The following TRPM3 variants were observed in gnomAD, a reference collection of about 807,000 sequenced individuals.
TRPM3 encodes the protein transient receptor potential cation channel subfamily M member 3, also known as long transient receptor potential channel 3.
TRPM3 carries 77 observed loss-of-function variants against 181.2 expected under a neutral mutation model. The ratio of observed to expected loss-of-function variants is 0.42; its 90% CI spans 0.35 to 0.51. The LOEUF (loss-of-function observed/expected upper bound fraction) is 0.51. Ranked by LOEUF, TRPM3 falls within the 20% of genes least tolerant of loss-of-function variation. The pLI is 0.01. For synonymous variants in TRPM3, 745 were observed against 796.4 expected, an observed-to-expected ratio of 0.94 and a Z score of 1.09; for missense variants, 1,759 against 2,196.7, an observed-to-expected ratio of 0.80 and a Z score of 3.98.
chr9:70,973,912 G>A (rs751554017), intron 1 of TRPM3, among the ~76,000 whole-genome samples: 10 of 152,190 alleles, frequency 6.6e-5, no homozygotes, highest in Non-Finnish European at 1.3e-4. Flanking sequence ...GTATTCTAAA[G>A]CAATGGATGT....
intron 1 of TRPM3, among the ~76,000 whole-genome samples, chr9:71,343,528 G>A (rs528333613): frequency 6.6e-6 from 1 of 152,238 alleles, no homozygotes; most frequent in East Asian, 1.9e-4. Flanking sequence ...ATGGAAGAAA[G>A]GAGATACAAA....
At chr9:71,405,937 T>A (rs986929414) in intron 1 of TRPM3, among the ~76,000 whole-genome samples, 8 of 152,212 alleles carry the variant, frequency 5.3e-5, no homozygotes, top group Non-Finnish European at 1.0e-4. Context: ...ACAAGAAAGA[T>A]AAAGCTTTCC....
intron 9 of TRPM3, among the ~76,000 whole-genome samples, chr9:70,674,111 G>C (rs2063519028): frequency 6.6e-6 from 1 of 152,078 alleles, no homozygotes; most frequent in Non-Finnish European, 1.5e-5. Context: ...ATATTAAACT[G>C]TCTGCCCACA....
At chr9:71,273,047 G>C (rs2083926999) in intron 1 of TRPM3, among the ~76,000 whole-genome samples, 1 of 151,956 alleles carries the variant, frequency 6.6e-6, no homozygotes, top group South Asian at 2.1e-4. Context: ...GCTGATTTTT[G>C]TATTTTTAGT....
chr9:71,206,030 A>C (rs1565340748), intron 1 of TRPM3, among the ~76,000 whole-genome samples: 1 of 152,074 alleles, frequency 6.6e-6, no homozygotes, highest in African/African-American at 2.4e-5. Flanking sequence ...GGTTAAAGAC[A>C]AAGCTTATCA....
At chr9:71,109,619 G>A (rs2070583267) in intron 1 of TRPM3, among the ~76,000 whole-genome samples, 1 of 151,990 alleles carries the variant, frequency 6.6e-6, no homozygotes, top group South Asian at 2.1e-4. Flanking sequence ...TTTGAGAATT[G>A]GCCGTTTCAT....
chr9:71,162,693 A>G (rs2076339078), intron 1 of TRPM3, among the ~76,000 whole-genome samples: 1 of 152,192 alleles, frequency 6.6e-6, no homozygotes, highest in Non-Finnish European at 1.5e-5. Context: ...ATTCATTTAT[A>G]TATTAATCAT....
At chr9:70,962,661 CTATGA>C (rs2097148225) in intron 1 of TRPM3, among the ~76,000 whole-genome samples, 1 of 151,940 alleles carries the variant, frequency 6.6e-6, no homozygotes, top group South Asian at 2.1e-4. Context: ...TCATACATAC[CTATGA>C]TAAAGTTTAA....
intron 11 of TRPM3, among the ~76,000 whole-genome samples, chr9:70,636,639 T>A (rs1460225331): frequency 6.6e-6 from 1 of 151,976 alleles, no homozygotes. Context: ...GGGCATCCTG[T>A]ATTTTATTTG....
chr9:70,619,937 G>T, intron 16 of TRPM3, 139 bp downstream of exon 16: 1 of 773,712 alleles, frequency 1.3e-6, no homozygotes, highest in Non-Finnish European at 2.0e-6. Context: ...AAGGGGAATT[G>T]TTTGTGTCCA....
chr9:71,413,690 G>T (rs2093595832), intron 1 of TRPM3, among the ~76,000 whole-genome samples: 1 of 151,914 alleles, frequency 6.6e-6, no homozygotes, highest in Non-Finnish European at 1.5e-5. Context: ...ATTTAAAAGG[G>T]CTTGTGGAAG....
At chr9:70,821,451 A>C (rs1040734721) in intron 6 of TRPM3, among the ~76,000 whole-genome samples, 1 of 152,198 alleles carries the variant, frequency 6.6e-6, no homozygotes, top group Non-Finnish European at 1.5e-5. Flanking sequence ...GGATACATAG[A>C]TGCTACTTTC....
intron 1 of TRPM3, among the ~76,000 whole-genome samples, chr9:71,102,154 G>A (rs2068517753): frequency 1.3e-5 from 2 of 152,130 alleles, no homozygotes; most frequent in African/African-American, 4.8e-5. Flanking sequence ...AAAATAAAAT[G>A]TGTTCTTTCA....
At chr9:70,599,708 G>A (rs1444571980) in intron 20 of TRPM3, among the ~76,000 whole-genome samples, 1 of 152,078 alleles carries the variant, frequency 6.6e-6, no homozygotes, top group Non-Finnish European at 1.5e-5. Flanking sequence ...TTTTAGGAAG[G>A]CCTTTTTTGA....
chr9:70,771,590 G>C (rs998363456), intron 7 of TRPM3, among the ~76,000 whole-genome samples: 12 of 152,150 alleles, frequency 7.9e-5, no homozygotes, highest in African/African-American at 2.4e-4. Context: ...TGTGGTGGGG[G>C]TGAAAGTGGT....
chr9:70,544,286 G>C (rs1398491350), intron 25 of TRPM3, among the ~76,000 whole-genome samples: 3 of 152,140 alleles, frequency 2.0e-5, no homozygotes, highest in Non-Finnish European at 4.4e-5. Flanking sequence ...TCAGTAGTAG[G>C]TAATTAAACA....
intron 3 of TRPM3, among the ~76,000 whole-genome samples, chr9:70,850,849 C>A (rs988630540): frequency 3.9e-5 from 6 of 152,202 alleles, no homozygotes; most frequent in Admixed American, 2.0e-4. Flanking sequence ...TTTCAAGTTA[C>A]TGTTCTCTTA....
At chr9:71,014,743 T>C (rs2134415175) in intron 1 of TRPM3, among the ~76,000 whole-genome samples, 1 of 152,282 alleles carries the variant, frequency 6.6e-6, no homozygotes, top group East Asian at 1.9e-4. Context: ...AGGCATATAT[T>C]GTATACAACA....
At chr9:71,339,898 T>C (rs576077512) in intron 1 of TRPM3, among the ~76,000 whole-genome samples, 1 of 152,200 alleles carries the variant, frequency 6.6e-6, no homozygotes, top group South Asian at 2.1e-4. Flanking sequence ...CAAAAACAGA[T>C]TGTAGGTAAA....
Sources: gnomAD v4.1 joint callset for allele counts (sites outside exome capture counted in the v4.1 genomes callset) on GRCh38, gnomAD v4.1.1 for gene constraint, MANE v1.5 for transcripts, NCBI Gene and HGNC (gene_info 2026-07-23, HGNC 2026-07-21) for gene names.